Variants in PPFIA1 observed in about 807,000 individuals in gnomAD.
The protein encoded by PPFIA1 is PPFI scaffold protein A1.
A neutral mutation model predicts 149.9 loss-of-function variants in PPFIA1; 25 were observed. The ratio of observed to expected loss-of-function variants is 0.17; its 90% CI spans 0.12 to 0.23. The LOEUF (loss-of-function observed/expected upper bound fraction) is 0.23, where lower values mean the gene tolerates loss of function less well. Ranked by LOEUF, PPFIA1 falls within the 10% of genes least tolerant of loss-of-function variation. PPFIA1 has a pLI of 1.00. For missense variants in PPFIA1, 1,362 were observed against 1,506.5 expected, an observed-to-expected ratio of 0.90 and a Z score of 1.59; for synonymous variants, 549 against 552.8, an observed-to-expected ratio of 0.99 and a Z score of 0.10.
At chr11:70,307,756 CA>C (rs965558668) in intron 2 of PPFIA1, among the ~76,000 whole-genome samples, 13 of 140,912 alleles carry the variant, frequency 9.2e-5, no homozygotes, top group African/African-American at 3.7e-4. Flanking sequence ...CTTACCTCTA[CA>C]AAAAAAATTT....
Position 70,372,205 on chromosome 11 carries a change from T to C in PPFIA1, c.2866-10T>C, listed in dbSNP as rs746684438. On this transcript the variant is annotated splice_polypyrimidine_tract_variant and intron_variant, in intron 21 of 27. Transcript: ENST00000253925. ...CTCTGTAACTGACCTTTTCCATTTA[T>C]GAAAAGCAGACACTCGCCTATGGGG... 1 of 1,589,640 alleles carries C rather than the reference T, an allele frequency of 6.3e-7. No individual in the cohort carries two copies. The highest frequency in any genetic ancestry group is 1.2e-5 in the South Asian group (1 of 86,778).
At chr11:70,344,930 C>T (rs1334572235) in intron 15 of PPFIA1, among the ~76,000 whole-genome samples, 2 of 152,208 alleles carry the variant, frequency 1.3e-5, no homozygotes, top group Admixed American at 6.5e-5. Context: ...CAGGACAGTC[C>T]CGGCTCAATC....
At chr11:70,336,316 A>G (rs2054975915) in intron 11 of PPFIA1, among the ~76,000 whole-genome samples, 1 of 152,200 alleles carries the variant, frequency 6.6e-6, no homozygotes, top group Admixed American at 6.5e-5. Context: ...AGCCTGGCCA[A>G]CATGGCCAAA....
chr11:70,354,141 G>C (rs2056228229), intron 16 of PPFIA1, 160 bp from the exon 17 acceptor site: 1 of 698,394 alleles, frequency 1.4e-6, no homozygotes, highest in Non-Finnish European at 2.3e-6. Context: ...GTGGTGCTGT[G>C]CTGCGTGGCC....
intron 26 of PPFIA1, among the ~76,000 whole-genome samples, chr11:70,381,610 T>C (rs1461317658): frequency 2.6e-5 from 4 of 152,154 alleles, no homozygotes; most frequent in Non-Finnish European, 4.4e-5. Flanking sequence ...CTCTCCCTCC[T>C]CTTAGACTGG....
chr11:70,362,403 A>C lies in PPFIA1; in HGVS notation c.2780A>C (p.Asn927Thr), dbSNP rs758463797. 6.2e-7 allele frequency: 1 copy of C among 1,613,824 alleles called. No homozygotes were observed. The highest frequency in any genetic ancestry group is 1.1e-5 in the South Asian group (1 of 91,058). The change falls in exon 21 of 28, where the codon AAC becomes ACC. Residue 927 changes from asparagine to threonine, a missense_variant. This residue lies in a region of PPFIA1 where 349 missense variants were observed against 373.3 expected (regional missense o/e 0.93). Transcript: ENST00000253925. ...ATCCAGCGTGAGATTGGCATCAGCA[A>C]CCCCCTGCACAGGCTGAAGCTGAGG... is the stretch of plus-strand genomic sequence containing the variant. The part of the protein sequence containing the change: ...TEIQREIGIS[N>T]PLHRLKLRLA...
At chr11:70,381,958 G>T in intron 26 of PPFIA1, 130 bp from the exon 27 acceptor site, 2 of 719,994 alleles carry the variant, frequency 2.8e-6, no homozygotes, top group Non-Finnish European at 2.3e-6. Flanking sequence ...CACTCAGGCA[G>T]CTCCCCTCAG....
chr11:70,322,916 ACT>A (rs1195140389), intron 2 of PPFIA1, among the ~76,000 whole-genome samples: 1 of 150,462 alleles, frequency 6.6e-6, no homozygotes, highest in East Asian at 2.0e-4. Flanking sequence ...GCTGTCTTCC[ACT>A]CTCTCTGACC....
chr11:70,320,232 A>G (rs2053855899), intron 2 of PPFIA1: 1 of 152,314 alleles, frequency 6.6e-6, no homozygotes, highest in Admixed American at 6.5e-5. Context: ...ACCAAAAAGC[A>G]TAGCCAGCCC....
rs1184698522 is a variant in PPFIA1, at chr11:70,295,689, A to AC, written c.264+23261dup. ...GGGCGGCTGGCCGGGCCGGGGGCTGACCCCCCCCACCTCCCTCCCGGACGG... is the reference window on the plus strand; with the variant it reads ...GGGCGGCTGGCCGGGCCGGGGGCTGACCCCCCCCCACCTCCCTCCCGGACGG... On this transcript the variant is annotated intron_variant, in intron 2 of 27. Coordinates refer to ENST00000253925, the MANE Select transcript of PPFIA1 (RefSeq NM_003626.5). Among the ~76,000 whole-genome samples, 249 of 109,314 alleles carry AC rather than the reference A, an allele frequency of 2.3e-3. 2 individuals are homozygous for AC. Among genetic ancestry groups the AC allele is most frequent in the Middle Eastern group, 9.6e-3 (1 of 104 alleles). 71.7% of individuals were successfully genotyped at this position (109,314 alleles called of 152,430 possible).
intron 21 of PPFIA1, among the ~76,000 whole-genome samples, chr11:70,369,379 G>T (rs1269528408): frequency 6.6e-6 from 1 of 151,932 alleles, no homozygotes; most frequent in Non-Finnish European, 1.5e-5. Context: ...TTGTTGACTT[G>T]GCAATATTTT....
chr11:70,314,427 G>A (rs1432460675), intron 2 of PPFIA1, among the ~76,000 whole-genome samples: 3 of 152,170 alleles, frequency 2.0e-5, no homozygotes, highest in Admixed American at 6.5e-5. Context: ...TCATGTCCTT[G>A]GGTTTAGCAT....
intron 2 of PPFIA1, among the ~76,000 whole-genome samples, chr11:70,290,139 A>G (rs2051427573): frequency 6.6e-6 from 1 of 152,174 alleles, no homozygotes; most frequent in Admixed American, 6.5e-5. Context: ...CTGAGGCACG[A>G]GAATCGCTTG....
chr11:70,299,752 G>C (rs907541960), intron 2 of PPFIA1, among the ~76,000 whole-genome samples: 3 of 151,980 alleles, frequency 2.0e-5, no homozygotes, highest in African/African-American at 7.3e-5. Context: ...CTCTGTCAGG[G>C]GTTTCTTTCC....
At chr11:70,371,809 A>G (rs1045842960) in intron 21 of PPFIA1, 7 of 153,300 alleles carry the variant, frequency 4.6e-5, no homozygotes, top group Admixed American at 3.9e-4. Flanking sequence ...TCTTTAGGAA[A>G]ACAAAGTGTT....
chr11:70,383,024 G>C lies in PPFIA1; in HGVS notation c.*34G>C. 2.4e-6 allele frequency: 1 copy of C among 415,204 alleles called. No homozygotes were observed. The highest frequency in any genetic ancestry group is 4.7e-6 in the Non-Finnish European group (1 of 214,354). 25.7% of individuals were successfully genotyped at this position (415,204 alleles called of 1,614,324 possible). A position where few individuals can be genotyped will look rare whatever the true frequency, so the allele number is the denominator to read the frequency against. On this transcript the variant is annotated 3_prime_UTR_variant, in exon 28 of 28. Transcript: ENST00000253925. ...CCAGTTTACCCACACTACTTCTACAGATGATTATGCAGCATTTGAATCCAA... is the reference window on the plus strand; with the variant it reads ...CCAGTTTACCCACACTACTTCTACACATGATTATGCAGCATTTGAATCCAA...
intron 2 of PPFIA1, among the ~76,000 whole-genome samples, chr11:70,290,813 C>A (rs576715467): frequency 1.3e-3 from 200 of 152,272 alleles, no homozygotes; most frequent in African/African-American, 4.7e-3. Context: ...TAGTGACATG[C>A]TGAAGTTGTT....
At chr11:70,381,966 C>T (rs377201099) in intron 26 of PPFIA1, 122 bp from the exon 27 acceptor site, 6 of 795,542 alleles carry the variant, frequency 7.5e-6, no homozygotes, top group East Asian at 5.4e-5. Context: ...CAGCTCCCCT[C>T]AGGTCCCTCC....
intron 11 of PPFIA1, among the ~76,000 whole-genome samples, chr11:70,337,083 A>G (rs2055025479): frequency 6.6e-6 from 1 of 152,242 alleles, no homozygotes; most frequent in Non-Finnish European, 1.5e-5. Flanking sequence ...CCTAAAAGTT[A>G]GTATAAGCCA....
Sources: gnomAD v4.1 joint callset for allele counts (sites outside exome capture counted in the v4.1 genomes callset) on GRCh38, gnomAD v4.1.1 for gene constraint, gnomAD v4.1.1 regional missense constraint, MANE v1.5 for transcripts, NCBI Gene and HGNC (gene_info 2026-07-23, HGNC 2026-07-21) for gene names.